The following STK32B variants were observed in gnomAD, a reference collection of about 807,000 sequenced individuals.
STK32B encodes serine/threonine kinase 32B, also known as serine/threonine-protein kinase 32B.
Under a neutral mutation model 52.6 loss-of-function variants are expected in STK32B, and 43 were observed. The observed-to-expected ratio is 0.82, with a 90% confidence interval of 0.64 to 1.05. The LOEUF is 1.05. Ranked by LOEUF, STK32B falls within the 50% of genes least tolerant of loss-of-function variation. STK32B has a pLI of 0.00. For synonymous variants in STK32B, 238 were observed against 204.3 expected, an observed-to-expected ratio of 1.17 and a Z score of -1.41; for missense variants, 621 against 534.6, an observed-to-expected ratio of 1.16 and a Z score of -1.59.
At chr4:5,328,522 G>T (rs939192480) in intron 3 of STK32B, among the ~76,000 whole-genome samples, 21 of 152,184 alleles carry the variant, frequency 1.4e-4, no homozygotes, top group African/African-American at 4.6e-4. Flanking sequence ...GAAACTACTG[G>T]TCAGTGGAGC....
At chr4:5,062,163 A>T (rs1187194708) in intron 1 of STK32B, among the ~76,000 whole-genome samples, 2 of 152,136 alleles carry the variant, frequency 1.3e-5, no homozygotes, top group African/African-American at 4.8e-5. Context: ...AAGATCTACT[A>T]CCCAACTCTC....
In STK32B at chr4:5,381,553, C is replaced by G. The variant is rs138484147; in HGVS notation, c.435-16654C>G. ...TTCAGTGTGGCATGGAAAATGTGGTCAGCACATGCTAGGGGCTGGCCATCT... is the reference window on the plus strand; with the variant it reads ...TTCAGTGTGGCATGGAAAATGTGGTGAGCACATGCTAGGGGCTGGCCATCT... On this transcript the variant is annotated intron_variant, in intron 4 of 11. Coordinates refer to ENST00000282908, the MANE Select transcript of STK32B (RefSeq NM_018401.3). Among the ~76,000 whole-genome samples the G allele has an allele frequency of 4.7e-4, 72 of 152,362 alleles. 1 individual carries two copies. Among genetic ancestry groups the G allele is most frequent in the Admixed American group, 3.8e-3 (58 of 15,308 alleles).
chr4:5,358,237 G>A (rs1300843257), intron 4 of STK32B, among the ~76,000 whole-genome samples: 1 of 152,232 alleles, frequency 6.6e-6, no homozygotes, highest in Non-Finnish European at 1.5e-5. Context: ...AGGGACTTGG[G>A]TCGTAAGTTA....
At chr4:5,443,930 C>G (rs1194917317) in intron 6 of STK32B, among the ~76,000 whole-genome samples, 1 of 152,216 alleles carries the variant, frequency 6.6e-6, no homozygotes, top group South Asian at 2.1e-4. Flanking sequence ...AGGGGTCAGG[C>G]ACCCACTTGA....
At chr4:5,328,658 A>G (rs761612032) in intron 3 of STK32B, among the ~76,000 whole-genome samples, 1 of 152,236 alleles carries the variant, frequency 6.6e-6, no homozygotes, top group Non-Finnish European at 1.5e-5. Context: ...TAGGAGATAT[A>G]ATAATGTTTG....
At chr4:5,442,361 G>A (rs1405777434) in intron 6 of STK32B, among the ~76,000 whole-genome samples, 1 of 152,052 alleles carries the variant, frequency 6.6e-6, no homozygotes, top group Non-Finnish European at 1.5e-5. Flanking sequence ...TTATGTAATG[G>A]TCTTCTTTGT....
intron 3 of STK32B, among the ~76,000 whole-genome samples, chr4:5,308,875 CTT>C (rs1346595977): frequency 2.6e-5 from 4 of 151,942 alleles, no homozygotes; most frequent in Non-Finnish European, 5.9e-5. Context: ...GTTTATTAAA[CTT>C]AGTACTAAAT....
At position 5,374,054 on chromosome 4, in the gene STK32B, G is replaced by A. The variant is rs527503340; in HGVS notation, c.435-24153G>A. Among the ~76,000 whole-genome samples the A allele has an allele frequency of 1.7e-3, 259 of 152,320 alleles. 1 individual carries two copies. The highest frequency in any genetic ancestry group is 5.1e-3 in the African/African-American group (212 of 41,590). On this transcript the variant is annotated intron_variant, in intron 4 of 11. Transcript: ENST00000282908. ...ACTGATGTCTTTATAAGAGACAGAA[G>A]AGGAAATGCAGAGGGGAGAAGGCCA... is the stretch of plus-strand genomic sequence containing the variant.
At chr4:5,201,645 C>G (rs1257465859) in intron 3 of STK32B, among the ~76,000 whole-genome samples, 1 of 152,186 alleles carries the variant, frequency 6.6e-6, no homozygotes, top group East Asian at 1.9e-4. Context: ...TTAATTGACT[C>G]ACAGTTACAC....
At chr4:5,036,659 A>ATTTTTTTTTTTTTTTTTTTTTTTT in the STK32B span, among the ~76,000 whole-genome samples, 2 of 74,204 alleles carry the variant, frequency 2.7e-5, no homozygotes, top group African/African-American at 5.3e-5. Context: ...GCAAGGGTGG[A>ATTTTTTTTTTTTTTTTTTTTTTTT]TTTTTTTTTT....
chr4:5,440,796 TGA>T (rs1440162778), intron 6 of STK32B, among the ~76,000 whole-genome samples: 3 of 152,128 alleles, frequency 2.0e-5, no homozygotes, highest in Admixed American at 6.5e-5. Flanking sequence ...CCTAATTTAT[TGA>T]GAGTTTTTAG....
At chr4:5,042,495 G>A in the STK32B span, among the ~76,000 whole-genome samples, 1 of 152,202 alleles carries the variant, frequency 6.6e-6, no homozygotes, top group South Asian at 2.1e-4. Context: ...TTAACATAGT[G>A]TAGGAAGTAG....
intron 1 of STK32B, among the ~76,000 whole-genome samples, chr4:5,084,763 G>GT (rs1262625406): frequency 1.3e-5 from 2 of 152,114 alleles, no homozygotes; most frequent in African/African-American, 4.8e-5. Flanking sequence ...TTTTTGTATG[G>GT]TTTCATAAAT....
At chr4:5,352,952 G>A (rs1577384561) in intron 4 of STK32B, among the ~76,000 whole-genome samples, 1 of 151,968 alleles carries the variant, frequency 6.6e-6, no homozygotes. Flanking sequence ...AATAGCCAAC[G>A]CAATCCTAAG....
intron 3 of STK32B, among the ~76,000 whole-genome samples, chr4:5,238,217 T>G (rs1408320638): frequency 3.3e-5 from 5 of 152,182 alleles, no homozygotes; most frequent in Admixed American, 3.3e-4. Context: ...TCAGCAGAGC[T>G]GTGCTTTCTC....
chr4:5,149,705 G>C lies in STK32B; in HGVS notation c.108+9745G>C, dbSNP rs1717190969. 1.3e-5 allele frequency among the ~76,000 whole-genome samples: 2 copies of C among 151,614 alleles called. 1 individual carries two copies. Among genetic ancestry groups the C allele is most frequent in the South Asian group, 4.2e-4 (2 of 4,818 alleles). The stretch of plus-strand genomic sequence containing the variant: ...TATAAATCTCTAATACAATGTTATA[G>C]TTTTTGCTTTAAAAATATATATGTA... On this transcript the variant is annotated intron_variant, in intron 2 of 11. Coordinates refer to ENST00000282908, the MANE Select transcript of STK32B (RefSeq NM_018401.3).
intron 3 of STK32B, among the ~76,000 whole-genome samples, chr4:5,213,691 G>A (rs964904905): frequency 6.6e-6 from 1 of 152,104 alleles, no homozygotes; most frequent in African/African-American, 2.4e-5. Context: ...GAAGCTTCTT[G>A]TCTCATTTCT....
At chr4:5,477,113 G>T (rs1195836349) in intron 11 of STK32B, among the ~76,000 whole-genome samples, 1 of 152,120 alleles carries the variant, frequency 6.6e-6, no homozygotes, top group African/African-American at 2.4e-5. Context: ...TACCTTCCAG[G>T]AACTTAAAAG....
Position 5,291,045 on chromosome 4 carries a change from A to G in STK32B, c.261-40175A>G, listed in dbSNP as rs188711366. On this transcript the variant is annotated intron_variant, in intron 3 of 11. Transcript: ENST00000282908. ...GGACTCAATTTTGTTCTACTGATCA[A>G]TTTTCCTATCCTTATTTATGCCAAT... Among the ~76,000 whole-genome samples, 341 of 152,164 alleles carry G rather than the reference A, an allele frequency of 2.2e-3. 4 individuals carry two copies. Among genetic ancestry groups the G allele is most frequent in the Middle Eastern group, 6.8e-3 (2 of 294 alleles).
Sources: gnomAD v4.1 joint callset for allele counts (sites outside exome capture counted in the v4.1 genomes callset) on GRCh38, gnomAD v4.1.1 for gene constraint, MANE v1.5 for transcripts, NCBI Gene and HGNC (gene_info 2026-07-23, HGNC 2026-07-21) for gene names.